The following KIF6 variants were observed in gnomAD, a reference collection of about 807,000 sequenced individuals.
KIF6 encodes kinesin family member 6.
Under a neutral mutation model 112.7 loss-of-function variants are expected in KIF6, and 106 were observed. That is an observed-to-expected ratio of 0.94 (90% CI 0.80 to 1.11). The LOEUF is 1.11. Among genes scored for constraint, KIF6 ranks in the 50% least tolerant of loss-of-function variants. KIF6 has a pLI of 0.00. For missense variants in KIF6, 929 were observed against 964.0 expected (o/e 0.96, Z 0.48); for synonymous variants, 339 against 339.9 (o/e 1.00, Z 0.03).
At chr6:39,582,570 C>T (rs759986554) in intron 9 of KIF6, among the ~76,000 whole-genome samples, 3 of 152,012 alleles carry the variant, frequency 2.0e-5, no homozygotes, top group African/African-American at 7.3e-5. Flanking sequence ...TACCTCCACG[C>T]CCGGCTAATT....
chr6:39,697,746 T>C (rs939889056), intron 3 of KIF6, among the ~76,000 whole-genome samples: 3 of 151,946 alleles, frequency 2.0e-5, no homozygotes, highest in African/African-American at 7.3e-5. Context: ...TGGGGTTTCT[T>C]TGTGTTGGCC....
At chr6:39,685,600 G>C (rs1025192910) in intron 3 of KIF6, among the ~76,000 whole-genome samples, 11 of 152,240 alleles carry the variant, frequency 7.2e-5, no homozygotes, top group African/African-American at 2.4e-4. Flanking sequence ...TCTATAGTGA[G>C]TTCAATCATT....
chr6:39,652,698 C>G (rs1281826677), intron 3 of KIF6, among the ~76,000 whole-genome samples: 1 of 152,088 alleles, frequency 6.6e-6, no homozygotes, highest in East Asian at 1.9e-4. Flanking sequence ...CTTTCATTCT[C>G]TAGGCAATCT....
chr6:39,391,529 C>T (rs1019888603), intron 15 of KIF6, among the ~76,000 whole-genome samples: 7 of 152,174 alleles, frequency 4.6e-5, no homozygotes, highest in Admixed American at 2.6e-4. Context: ...AGTACTGTTA[C>T]GGAGCAGTCA....
intron 13 of KIF6, among the ~76,000 whole-genome samples, chr6:39,534,909 A>G (rs1778321525): frequency 2.0e-5 from 3 of 152,234 alleles, no homozygotes; most frequent in African/African-American, 7.2e-5. Context: ...GCCAATATTC[A>G]ACGTTCTTAA....
intron 9 of KIF6, among the ~76,000 whole-genome samples, chr6:39,578,765 A>G (rs775494243): frequency 1.3e-5 from 2 of 152,004 alleles, no homozygotes; most frequent in African/African-American, 2.4e-5. Context: ...GTTTTCATAC[A>G]TTTACTCCAT....
chr6:39,394,250 A>G (rs1425295086), intron 15 of KIF6, among the ~76,000 whole-genome samples: 2 of 152,220 alleles, frequency 1.3e-5, no homozygotes, highest in Admixed American at 1.3e-4. Context: ...CATAAAAGCT[A>G]TATTTGTATA....
chr6:39,330,302 A>G lies in KIF6; in HGVS notation c.*6230T>C, dbSNP rs903951386. On this transcript the variant is annotated 3_prime_UTR_variant, in exon 23 of 23. Coordinates refer to ENST00000287152, the MANE Select transcript of KIF6 (RefSeq NM_145027.6). ...AGAAGAAAAGGGAACTGAGACCCAC[A>G]TGAGGCCTGGACTATGTTAGGGGTG... 1 of 152,350 alleles carries G rather than the reference A, an allele frequency of 6.6e-6. No homozygotes were observed. The highest frequency in any genetic ancestry group is 2.4e-5 in the African/African-American group (1 of 41,456). 9.4% of individuals were successfully genotyped at this position (152,350 alleles called of 1,614,324 possible). A position where few individuals can be genotyped will look rare whatever the true frequency, so the allele number is the denominator to read the frequency against.
At chr6:39,694,730 T>G (rs1164629896) in intron 3 of KIF6, among the ~76,000 whole-genome samples, 1 of 152,168 alleles carries the variant, frequency 6.6e-6, no homozygotes, top group Non-Finnish European at 1.5e-5. Flanking sequence ...ATTACCAAAA[T>G]GTCCATACTG....
intron 19 of KIF6, among the ~76,000 whole-genome samples, chr6:39,351,615 T>C (rs531991937): frequency 1.9e-4 from 29 of 152,158 alleles, no homozygotes; most frequent in African/African-American, 6.5e-4. Context: ...TGCCCCTCTC[T>C]CTCTCTCTCA....
rs562637945 is a variant in KIF6 at position 39,520,195 on chromosome 6, G to C, written c.1645+19808C>G. Among the ~76,000 whole-genome samples, 16 of 152,218 alleles carry C rather than the reference G, an allele frequency of 1.1e-4. No individual in the cohort carries two copies. In the East Asian group the frequency reaches 3.1e-3, roughly 29 times the overall value. On this transcript the variant is annotated intron_variant, in intron 13 of 22. Coordinates refer to ENST00000287152, the MANE Select transcript of KIF6 (RefSeq NM_145027.6). ...CACAAAAGAAAAGGGCCAGGAGAAG[G>C]GTTAAAGGTAAAAGACAGGATTCCA...
At chr6:39,601,711 GACACACACACACAC>G (rs10532285) in intron 6 of KIF6, among the ~76,000 whole-genome samples, 16 of 147,496 alleles carry the variant, frequency 1.1e-4, no homozygotes, top group Admixed American at 2.7e-4. Flanking sequence ...ATTTCTTTGG[GACACACACACACAC>G]ACACACACAC....
chr6:39,495,110 C>T (rs1775706227), intron 13 of KIF6, among the ~76,000 whole-genome samples: 1 of 152,214 alleles, frequency 6.6e-6, no homozygotes, highest in South Asian at 2.1e-4. Context: ...GAGATAGTTG[C>T]ATTCCCAAAG....
chr6:39,410,464 G>T (rs913149235), intron 15 of KIF6, among the ~76,000 whole-genome samples: 1 of 152,144 alleles, frequency 6.6e-6, no homozygotes, highest in Non-Finnish European at 1.5e-5. Context: ...TAAATGAGTT[G>T]AGTGTGAAAA....
At chr6:39,478,446 C>T (rs1276432965) in intron 13 of KIF6, among the ~76,000 whole-genome samples, 1 of 152,132 alleles carries the variant, frequency 6.6e-6, no homozygotes, top group Non-Finnish European at 1.5e-5. Context: ...GACTAATGGG[C>T]ATTTGGGCTG....
chr6:39,374,953 C>T (rs560729181), intron 16 of KIF6, among the ~76,000 whole-genome samples: 8 of 152,164 alleles, frequency 5.3e-5, no homozygotes, highest in South Asian at 2.1e-4. Context: ...ACAATAGCCA[C>T]GACATTGAAT....
intron 13 of KIF6, among the ~76,000 whole-genome samples, chr6:39,478,860 G>A (rs1036353416): frequency 6.6e-6 from 1 of 151,810 alleles, no homozygotes; most frequent in African/African-American, 2.4e-5. Flanking sequence ...TAATGGTGTT[G>A]AGCATTTTTT....
chr6:39,490,200 C>CT (rs1252585925), intron 13 of KIF6, among the ~76,000 whole-genome samples: 1 of 152,194 alleles, frequency 6.6e-6, no homozygotes, highest in Non-Finnish European at 1.5e-5. Context: ...ACATCAGTAC[C>CT]TTCTCACTGA....
chr6:39,423,808 C>T (rs1770560676), intron 14 of KIF6, among the ~76,000 whole-genome samples: 1 of 152,246 alleles, frequency 6.6e-6, no homozygotes, highest in African/African-American at 2.4e-5. Context: ...TCCTCAATAT[C>T]TATCAGAGCA....
Sources: gnomAD v4.1 joint callset for allele counts (sites outside exome capture counted in the v4.1 genomes callset) on GRCh38, gnomAD v4.1.1 for gene constraint, MANE v1.5 for transcripts, NCBI Gene and HGNC (gene_info 2026-07-23, HGNC 2026-07-21) for gene names.